The following SHANK2 variants were observed in gnomAD, a reference collection of about 807,000 sequenced individuals.
SHANK2 encodes the protein SH3 and multiple ankyrin repeat domains 2, also known as SH3 and multiple ankyrin repeat domains protein 2.
A neutral mutation model predicts 133.7 loss-of-function variants in SHANK2; 43 were observed. The observed-to-expected ratio is 0.32, with a 90% CI of 0.25 to 0.41. The LOEUF (loss-of-function observed/expected upper bound fraction) is 0.41, where lower values mean the gene tolerates loss of function less well. Ranked by LOEUF, SHANK2 falls within the 10% of genes least tolerant of loss-of-function variation. SHANK2 has a pLI of 1.00. For synonymous variants in SHANK2, 1,017 were observed against 952.8 expected, an observed-to-expected ratio of 1.07 and a Z score of -1.24; for missense variants, 1,994 against 2,235.8, an observed-to-expected ratio of 0.89 and a Z score of 2.18.
chr11:70,885,109 T>C (rs1312189854), intron 11 of SHANK2, among the ~76,000 whole-genome samples: 3 of 152,124 alleles, frequency 2.0e-5, no homozygotes, highest in Non-Finnish European at 4.4e-5. Context: ...TATACAACAC[T>C]TTTTCTAAGA....
chr11:70,690,000 C>G (rs1555020582), intron 15 of SHANK2, among the ~76,000 whole-genome samples: 1 of 152,128 alleles, frequency 6.6e-6, no homozygotes, highest in Non-Finnish European at 1.5e-5. Flanking sequence ...AATTTCCAGA[C>G]AGGGAGGTTA....
chr11:70,849,859 T>C, intron 11 of SHANK2, among the ~76,000 whole-genome samples: 1 of 152,184 alleles, frequency 6.6e-6, no homozygotes, highest in Non-Finnish European at 1.5e-5. Context: ...ATATAAAATT[T>C]ACCATGTTCA....
Position 70,820,345 on chromosome 11 carries a change from G to A in SHANK2, c.1493+19C>T. On this transcript the variant is annotated intron_variant, in intron 12 of 25. Transcript: ENST00000601538. Reference sequence around the variant, plus strand: ...AGCACGTGGCGGTCTTCCTTCCCTTGGCGTCTGCCACTCCTTACCCGACAT... The same window carrying A: ...AGCACGTGGCGGTCTTCCTTCCCTTAGCGTCTGCCACTCCTTACCCGACAT... 1 of 603,336 alleles carries A rather than the reference G, an allele frequency of 1.7e-6. No individual in the cohort carries two copies. Among genetic ancestry groups the A allele is most frequent in the Non-Finnish European group, 3.1e-6 (1 of 327,202 alleles). The allele number at this position is 603,336 out of a possible 1,614,324, so 37.4% of individuals were successfully genotyped here.
At chr11:71,185,604 AG>A (rs1433662621) in intron 2 of SHANK2, among the ~76,000 whole-genome samples, 14 of 152,208 alleles carry the variant, frequency 9.2e-5, no homozygotes, top group Admixed American at 8.5e-4. Context: ...GGGGACCTGG[AG>A]GGTTCAAATC....
chr11:70,641,832 A>G (rs904856942), intron 17 of SHANK2, among the ~76,000 whole-genome samples: 6 of 152,204 alleles, frequency 3.9e-5, no homozygotes, highest in African/African-American at 1.4e-4. Context: ...GTGCAGTTCT[A>G]CAAAGCACAC....
rs565716044 is a variant in SHANK2, at chr11:70,745,063, G to A, written c.1778-46300C>T. Among the ~76,000 whole-genome samples the A allele has an allele frequency of 7.2e-5, 11 of 152,312 alleles. No homozygotes were observed. The South Asian group carries it at 1.0e-3, about 14-fold the overall frequency. On this transcript the variant is annotated intron_variant, in intron 14 of 25. Transcript: ENST00000601538. ...CAAGCAAACCTCTCAGCAAAAAGCCGCCCCAAGCGGCCAGGACCTCCTCAT... is the reference window on the plus strand; with the variant it reads ...CAAGCAAACCTCTCAGCAAAAAGCCACCCCAAGCGGCCAGGACCTCCTCAT...
intron 3 of SHANK2, among the ~76,000 whole-genome samples, chr11:71,145,959 C>T (rs1952634926): frequency 6.6e-6 from 1 of 152,200 alleles, no homozygotes. Context: ...TTCTAGAAAG[C>T]ACAGATGGAG....
intron 14 of SHANK2, among the ~76,000 whole-genome samples, chr11:70,785,172 G>T (rs1947621774): frequency 6.6e-6 from 1 of 152,154 alleles, no homozygotes; most frequent in African/African-American, 2.4e-5. Context: ...GGCCCAATGG[G>T]CATGGCCAGG....
At position 70,487,609 on chromosome 11, in the gene SHANK2, G is replaced by C; in HGVS notation, c.2684C>G (p.Pro895Arg). The C allele has an allele frequency of 6.2e-7, 1 of 1,610,528 alleles. No homozygotes were observed. The highest frequency in any genetic ancestry group is 2.2e-5 in the East Asian group (1 of 44,746). The change falls in exon 25 of 26, where the codon CCC (proline) becomes CGC (arginine). Residue 895 changes from proline (P) to arginine (R), a missense_variant. Pro to Arg is a moderately radical substitution (Grantham distance 103). Around this residue, in one of 5 missense-constraint regions of SHANK2, gnomAD observed 488 missense variants for 642.6 expected, o/e 0.76. Transcript: ENST00000601538. The surrounding 1 kb of genome is among the most constrained non-coding windows in gnomAD (Gnocchi z 5.8). ...EDIPPPPQSVPPSPPPPSPTT... is the reference protein window; with the variant it reads ...EDIPPPPQSVRPSPPPPSPTT... The stretch of plus-strand genomic sequence containing the variant: ...TGGGGAAGGTGGTGGTGGGGACGGG[G>C]GCACAGACTGCGGTGGAGGGGGGAT...
intron 10 of SHANK2, chr11:70,951,210 C>G (rs1045327802): frequency 6.6e-6 from 2 of 304,062 alleles, no homozygotes; most frequent in Non-Finnish European, 1.2e-5. Flanking sequence ...ATTCATTTCC[C>G]CTGGCTGCTG....
intron 7 of SHANK2, among the ~76,000 whole-genome samples, chr11:71,093,897 G>A (rs782129961): frequency 6.6e-6 from 1 of 152,152 alleles, no homozygotes; most frequent in Non-Finnish European, 1.5e-5. Context: ...TGCTGGTGTG[G>A]GCTCTGGTGG....
intron 17 of SHANK2, among the ~76,000 whole-genome samples, chr11:70,510,179 T>A (rs140639888): frequency 3.9e-4 from 59 of 152,274 alleles, no homozygotes; most frequent in Admixed American, 1.0e-3. Context: ...CACCCAGACC[T>A]GCAGAGATGG....
chr11:70,489,550 C>T (rs1411866450), intron 23 of SHANK2: 4 of 633,080 alleles, frequency 6.3e-6, no homozygotes, highest in African/African-American at 5.4e-5. Flanking sequence ...GAGGCATTTC[C>T]AGAACACACA....
chr11:70,869,421 G>A (rs1200064188), intron 11 of SHANK2, among the ~76,000 whole-genome samples: 1 of 152,166 alleles, frequency 6.6e-6, no homozygotes, highest in Non-Finnish European at 1.5e-5. Flanking sequence ...AACCCACTGG[G>A]ACCAACAGAA....
At chr11:70,759,556 T>G (rs1270661513) in intron 14 of SHANK2, among the ~76,000 whole-genome samples, 1 of 152,200 alleles carries the variant, frequency 6.6e-6, no homozygotes, top group Admixed American at 6.5e-5. Context: ...CTTGTTATGC[T>G]GCTCCCTGTT....
At position 71,167,663 on chromosome 11, in the gene SHANK2, G is replaced by A. The variant is rs576434220; in HGVS notation, c.-12-20325C>T. Among the ~76,000 whole-genome samples, 16 of 147,140 alleles carry A rather than the reference G, an allele frequency of 1.1e-4. No individual in the cohort carries two copies. The South Asian group carries it at 2.0e-3, about 18-fold the overall frequency. On this transcript the variant is annotated intron_variant, in intron 2 of 25. Transcript: ENST00000601538. Reference sequence around the variant, plus strand: ...TCCCGGACAGGACAGCTGGCCGGGCGGGGGGCTGACCCCTCCACCTCCCTC... The same window carrying A: ...TCCCGGACAGGACAGCTGGCCGGGCAGGGGGCTGACCCCTCCACCTCCCTC...
intron 24 of SHANK2, 73 bp downstream of exon 24, chr11:70,489,255 T>C: frequency 2.1e-6 from 3 of 1,460,642 alleles, no homozygotes; most frequent in Non-Finnish European, 2.9e-6. Flanking sequence ...GGAGTACTAA[T>C]TTAAGAATAC....
At chr11:71,174,754 G>A (rs1953392478) in intron 2 of SHANK2, 3 of 152,198 alleles carry the variant, frequency 2.0e-5, no homozygotes, top group African/African-American at 7.2e-5. Flanking sequence ...TTGGGAGGCT[G>A]AGGCAGGAGA....
chr11:70,766,267 T>A (rs1555041349), intron 14 of SHANK2, among the ~76,000 whole-genome samples: 2 of 152,260 alleles, frequency 1.3e-5, no homozygotes, highest in African/African-American at 4.8e-5. Flanking sequence ...TCCCTGTATG[T>A]TTGAAGCCCT....
Sources: allele counts gnomAD v4.1 joint callset (sites outside exome capture counted in the v4.1 genomes callset), GRCh38; gene constraint gnomAD v4.1.1; regional missense constraint gnomAD v4.1.1; non-coding constraint Gnocchi (gnomAD v3.1); transcripts MANE v1.5; gene names NCBI Gene and HGNC (gene_info 2026-07-23, HGNC 2026-07-21).